Variants in ZFPM2 observed in about 807,000 individuals in gnomAD.
The protein encoded by ZFPM2 is zinc finger protein ZFPM2.
ZFPM2 carries 20 observed loss-of-function variants against 98.6 expected under a neutral mutation model. That is an observed-to-expected ratio of 0.20 (90% CI 0.14 to 0.29). The LOEUF is 0.29. Among genes scored for constraint, ZFPM2 ranks in the 10% least tolerant of loss-of-function variants. The pLI is 1.00. For missense variants in ZFPM2, 1,310 were observed against 1,388.6 expected (o/e 0.94, Z 0.90); for synonymous variants, 518 against 502.7 (o/e 1.03, Z -0.41).
chr8:105,580,056 A>G (rs1815554077), intron 4 of ZFPM2, among the ~76,000 whole-genome samples: 2 of 152,148 alleles, frequency 1.3e-5, no homozygotes, highest in Admixed American at 1.3e-4. Context: ...GAAGGGCTTC[A>G]GTATCTATCT....
intron 4 of ZFPM2, among the ~76,000 whole-genome samples, chr8:105,628,696 G>A (rs895229292): frequency 2.6e-5 from 4 of 152,078 alleles, no homozygotes; most frequent in African/African-American, 4.8e-5. Context: ...GACTTCAGGG[G>A]AAGATTACCT....
chr8:105,482,498 C>A (rs1032943014), intron 3 of ZFPM2, among the ~76,000 whole-genome samples: 2 of 151,964 alleles, frequency 1.3e-5, no homozygotes, highest in Non-Finnish European at 1.5e-5. Flanking sequence ...TTTTTTAATT[C>A]TTTTTCCTTC....
intron 5 of ZFPM2, among the ~76,000 whole-genome samples, chr8:105,713,168 C>G (rs1252685351): frequency 6.6e-6 from 1 of 151,922 alleles, no homozygotes; most frequent in Non-Finnish European, 1.5e-5. Context: ...ATAAACATTC[C>G]TTTTTTCTTC....
At chr8:105,555,268 A>G (rs35605641) in intron 3 of ZFPM2, among the ~76,000 whole-genome samples, 19,933 of 152,108 alleles carry the variant, frequency 0.13, 1,346 homozygotes, top group Admixed American at 0.17. Flanking sequence ...TTAAAAAATC[A>G]GGCTTCTTTT....
intron 1 of ZFPM2, among the ~76,000 whole-genome samples, chr8:105,393,906 T>G (rs1811167595): frequency 6.6e-6 from 1 of 150,796 alleles, no homozygotes; most frequent in East Asian, 1.9e-4. Context: ...TTTTTTTTTT[T>G]TTTTTGAGAT....
At chr8:105,381,857 T>C (rs546359810) in intron 1 of ZFPM2, among the ~76,000 whole-genome samples, 1 of 152,256 alleles carries the variant, frequency 6.6e-6, no homozygotes, top group South Asian at 2.1e-4. Flanking sequence ...TACATTTTCA[T>C]AGACTACTTT....
At chr8:105,598,967 A>G (rs1816032410) in intron 4 of ZFPM2, among the ~76,000 whole-genome samples, 1 of 152,172 alleles carries the variant, frequency 6.6e-6, no homozygotes, top group Non-Finnish European at 1.5e-5. Context: ...ACCTTCTGCT[A>G]ATTGATTAAA....
At chr8:105,329,686 C>G (rs1268871869) in intron 1 of ZFPM2, among the ~76,000 whole-genome samples, 1 of 151,616 alleles carries the variant, frequency 6.6e-6, no homozygotes, top group Non-Finnish European at 1.5e-5. Flanking sequence ...AGTTATCAGT[C>G]CAGCTGCTTG....
At chr8:105,506,775 C>T (rs1438524866) in intron 3 of ZFPM2, among the ~76,000 whole-genome samples, 3 of 152,036 alleles carry the variant, frequency 2.0e-5, no homozygotes, top group Admixed American at 2.0e-4. Context: ...ATCACGAGAT[C>T]AGGAGATCAA....
intron 4 of ZFPM2, among the ~76,000 whole-genome samples, chr8:105,597,896 T>C (rs1400887178): frequency 6.6e-6 from 1 of 151,900 alleles, no homozygotes; most frequent in African/African-American, 2.4e-5. Context: ...AAATATGAAA[T>C]TTGAATAGAT....
At chr8:105,390,724 T>G (rs1290516101) in intron 1 of ZFPM2, among the ~76,000 whole-genome samples, 2 of 152,118 alleles carry the variant, frequency 1.3e-5, no homozygotes, top group East Asian at 1.9e-4. Context: ...ACAACCTTAA[T>G]GTACTCATGG....
intron 5 of ZFPM2, among the ~76,000 whole-genome samples, chr8:105,688,215 C>G (rs2130932495): frequency 6.6e-6 from 1 of 151,942 alleles, no homozygotes; most frequent in African/African-American, 2.4e-5. Context: ...TAACACTGGG[C>G]CAATTAAGTA....
At chr8:105,456,473 A>G (rs964047670) in intron 3 of ZFPM2, among the ~76,000 whole-genome samples, 6 of 152,140 alleles carry the variant, frequency 3.9e-5, no homozygotes, top group African/African-American at 1.4e-4. Context: ...GTACTTCTTT[A>G]AAACTCTCTG....
chr8:105,788,973 AT>A (rs1397784896), intron 6 of ZFPM2, 49 bp downstream of exon 6: 2 of 1,455,708 alleles, frequency 1.4e-6, no homozygotes, highest in Non-Finnish European at 9.3e-7. Context: ...ATGGGAATTT[AT>A]GGGAGAAAAA....
At chr8:105,640,108 C>CAA (rs1185631764) in intron 5 of ZFPM2, among the ~76,000 whole-genome samples, 1 of 151,856 alleles carries the variant, frequency 6.6e-6, no homozygotes, top group African/African-American at 2.4e-5. Context: ...AGTGCTTTTC[C>CAA]CATTTTACAG....
chr8:105,340,096 T>G (rs1387689193), intron 1 of ZFPM2, among the ~76,000 whole-genome samples: 1 of 151,868 alleles, frequency 6.6e-6, no homozygotes, highest in Non-Finnish European at 1.5e-5. Context: ...GTGTTTTTCA[T>G]GAAAGAAAAT....
At chr8:105,771,683 C>G (rs1282137192) in intron 5 of ZFPM2, among the ~76,000 whole-genome samples, 1 of 152,124 alleles carries the variant, frequency 6.6e-6, no homozygotes, top group African/African-American at 2.4e-5. Flanking sequence ...TCATCTGCAA[C>G]AGCGTTGGCA....
At chr8:105,418,078 G>A (rs1342189214) in intron 1 of ZFPM2, among the ~76,000 whole-genome samples, 1 of 151,972 alleles carries the variant, frequency 6.6e-6, no homozygotes, top group Non-Finnish European at 1.5e-5. Flanking sequence ...ATAAATTGTA[G>A]TATATGCACT....
At chr8:105,563,964 T>C (rs1815192335) in intron 4 of ZFPM2, among the ~76,000 whole-genome samples, 2 of 152,174 alleles carry the variant, frequency 1.3e-5, no homozygotes, top group South Asian at 4.1e-4. Context: ...ATCTTGCTAT[T>C]ACTCTCTGTA....
Sources: gnomAD v4.1 joint callset for allele counts (sites outside exome capture counted in the v4.1 genomes callset) on GRCh38, gnomAD v4.1.1 for gene constraint, MANE v1.5 for transcripts, NCBI Gene and HGNC (gene_info 2026-07-23, HGNC 2026-07-21) for gene names.